Variants in WHRN observed in about 807,000 individuals in gnomAD.
WHRN encodes the protein CASK-interacting protein CIP98.
In WHRN, 41 loss-of-function variants were observed where a neutral mutation model predicts 68.3. The observed-to-expected ratio is 0.60, with a 90% confidence interval of 0.47 to 0.78. The LOEUF is 0.78. WHRN is among the 30% of genes least tolerant of loss of function. The pLI, the probability that WHRN is intolerant of heterozygous loss-of-function variation, is 0.00. For synonymous variants in WHRN, 560 were observed against 561.3 expected (o/e 1.00, Z 0.03); for missense variants, 1,243 against 1,244.7 (o/e 1.00, Z 0.02).
chr9:114,461,414 C>T (rs1227947441), intron 3 of WHRN, among the ~76,000 whole-genome samples: 2 of 152,136 alleles, frequency 1.3e-5, no homozygotes, highest in Non-Finnish European at 2.9e-5. Context: ...GTTTTGCAGC[C>T]CACGTTTCCC....
At chr9:114,416,944 C>A (rs1835859774) in intron 7 of WHRN, among the ~76,000 whole-genome samples, 1 of 152,234 alleles carries the variant, frequency 6.6e-6, no homozygotes, top group Non-Finnish European at 1.5e-5. Flanking sequence ...CAGAACCCAG[C>A]TGGTAGGATC....
intron 2 of WHRN, among the ~76,000 whole-genome samples, chr9:114,474,576 TC>T (rs1841497579): frequency 6.6e-6 from 1 of 152,178 alleles, no homozygotes; most frequent in African/African-American, 2.4e-5. Context: ...GTACCCTCTG[TC>T]TGGGTCACCC....
chr9:114,452,719 A>C (rs1191479196), intron 3 of WHRN, among the ~76,000 whole-genome samples: 1 of 152,224 alleles, frequency 6.6e-6, no homozygotes, highest in Non-Finnish European at 1.5e-5. Flanking sequence ...AGGTTTGCTC[A>C]TCACAGGTGC....
intron 3 of WHRN, among the ~76,000 whole-genome samples, chr9:114,455,498 C>T (rs1589170906): frequency 6.6e-6 from 1 of 151,990 alleles, no homozygotes; most frequent in South Asian, 2.1e-4. Context: ...ATTGCTTGAG[C>T]CCAGGAGTTC....
chr9:114,499,085 C>T (rs1843705410), intron 1 of WHRN, among the ~76,000 whole-genome samples: 1 of 152,220 alleles, frequency 6.6e-6, no homozygotes, highest in Non-Finnish European at 1.5e-5. Flanking sequence ...TCTGTATCTT[C>T]TGTTCAATTT....
chr9:114,424,962 A>C, intron 5 of WHRN, 26 bp downstream of exon 5: 1 of 1,612,980 alleles, frequency 6.2e-7, no homozygotes, highest in Non-Finnish European at 8.5e-7. Flanking sequence ...GAGGAAGCAG[A>C]GAATACCCCT....
Position 114,404,150 on chromosome 9 carries a change from C to T in WHRN, c.2237-73G>A, listed in dbSNP as rs146635426. 4.0e-4 allele frequency: 599 copies of T among 1,484,626 alleles called. 5 individuals carry two copies. The African/African-American group carries it at 7.3e-3, about 18-fold the overall frequency. 92.0% of individuals were successfully genotyped at this position (1,484,626 alleles called of 1,614,324 possible). Reference sequence around the variant, plus strand: ...AGGGAGGGCTGCCTGGAGGCAGTGACGGAGATGGAGGCTGGAAGGCTGGGG... The same window carrying T: ...AGGGAGGGCTGCCTGGAGGCAGTGATGGAGATGGAGGCTGGAAGGCTGGGG... On this transcript the variant is annotated intron_variant, in intron 9 of 11. Coordinates refer to ENST00000362057, the MANE Select transcript of WHRN (RefSeq NM_015404.4).
At chr9:114,478,210 C>A (rs1589228310) in intron 2 of WHRN, 2 of 626,200 alleles carry the variant, frequency 3.2e-6, no homozygotes, top group Non-Finnish European at 5.8e-6. Context: ...ATTGCTTGAA[C>A]CCTGGAGGCA....
At chr9:114,406,236 C>G in intron 9 of WHRN, 119 bp downstream of exon 9, 1 of 1,430,456 alleles carries the variant, frequency 7.0e-7, no homozygotes, top group South Asian at 1.2e-5. Flanking sequence ...CTTCGCCACT[C>G]TGGCCCTGAG....
At chr9:114,461,143 A>G (rs1311633278) in intron 3 of WHRN, among the ~76,000 whole-genome samples, 1 of 152,254 alleles carries the variant, frequency 6.6e-6, no homozygotes, top group Non-Finnish European at 1.5e-5. Flanking sequence ...AACTAAAGTG[A>G]GTGGACACTT....
At chr9:114,461,403 G>A (rs1043431992) in intron 3 of WHRN, among the ~76,000 whole-genome samples, 4 of 152,160 alleles carry the variant, frequency 2.6e-5, no homozygotes, top group African/African-American at 9.7e-5. Flanking sequence ...TTAGCTATGT[G>A]GTTTTGCAGC....
chr9:114,484,074 C>T (rs549966629), intron 1 of WHRN, among the ~76,000 whole-genome samples: 4 of 152,278 alleles, frequency 2.6e-5, no homozygotes, highest in African/African-American at 7.2e-5. Context: ...AGCCTGGGGG[C>T]TCTGAGGTTC....
At chr9:114,495,317 G>A (rs1843360961) in intron 1 of WHRN, among the ~76,000 whole-genome samples, 1 of 152,182 alleles carries the variant, frequency 6.6e-6, no homozygotes, top group Non-Finnish European at 1.5e-5. Context: ...AGACGAGCAA[G>A]ACAGGAGACA....
At chr9:114,423,687 T>A (rs1836533489) in intron 6 of WHRN, among the ~76,000 whole-genome samples, 164 bp from the exon 7 acceptor site, 1 of 152,158 alleles carries the variant, frequency 6.6e-6, no homozygotes. Context: ...CACCGTCACC[T>A]GGACACCAGG....
At chr9:114,464,724 G>A (rs1050987547) in intron 3 of WHRN, among the ~76,000 whole-genome samples, 1 of 151,978 alleles carries the variant, frequency 6.6e-6, no homozygotes, top group Admixed American at 6.6e-5. Context: ...ATATAGTAAA[G>A]GGAAGCAAGG....
intron 3 of WHRN, among the ~76,000 whole-genome samples, chr9:114,442,816 C>T (rs933561818): frequency 1.3e-5 from 2 of 152,176 alleles, no homozygotes; most frequent in East Asian, 1.9e-4. Flanking sequence ...GTGAGCCAGA[C>T]AAAACTCTCT....
rs976540075 is a variant in WHRN at position 114,438,509 on chromosome 9, G to T, written c.964-12096C>A. Among the ~76,000 whole-genome samples, 5 of 145,640 alleles carry T rather than the reference G, an allele frequency of 3.4e-5. No homozygotes were observed. In the South Asian group the frequency reaches 8.8e-4, roughly 26 times the overall value. ...ACTCTGTCACCCAGGCTGGAGTGCA[G>T]TGGCGCAATCTTGGCTCACTGCAAG... is the stretch of plus-strand genomic sequence containing the variant. On this transcript the variant is annotated intron_variant, in intron 3 of 11. Transcript: ENST00000362057.
intron 9 of WHRN, among the ~76,000 whole-genome samples, chr9:114,404,669 C>T (rs909291430): frequency 3.3e-5 from 5 of 152,122 alleles, no homozygotes; most frequent in Non-Finnish European, 7.4e-5. Flanking sequence ...TGGAGTCTGG[C>T]AGGTCAGGTT....
intron 3 of WHRN, among the ~76,000 whole-genome samples, chr9:114,448,703 G>A (rs1839052200): frequency 6.6e-6 from 1 of 152,176 alleles, no homozygotes; most frequent in Non-Finnish European, 1.5e-5. Flanking sequence ...GACAGGGAGA[G>A]GTCCATGCAG....
Sources: allele counts gnomAD v4.1 joint callset (sites outside exome capture counted in the v4.1 genomes callset), GRCh38; gene constraint gnomAD v4.1.1; transcripts MANE v1.5; gene names NCBI Gene and HGNC (gene_info 2026-07-23, HGNC 2026-07-21).